The following GRID2 variants were observed in gnomAD, a reference collection of about 807,000 sequenced individuals.
GRID2 encodes the protein glutamate ionotropic receptor delta type subunit 2.
In GRID2, 33 loss-of-function variants were observed where a neutral mutation model predicts 114.8. The observed-to-expected ratio is 0.29, with a 90% CI of 0.22 to 0.38. The LOEUF (loss-of-function observed/expected upper bound fraction) is 0.38. Among genes scored for constraint, GRID2 ranks in the 10% least tolerant of loss-of-function variants. GRID2 has a pLI of 1.00. For synonymous variants in GRID2, 505 were observed against 449.9 expected, an observed-to-expected ratio of 1.12 and a Z score of -1.55; for missense variants, 1,184 against 1,257.7, an observed-to-expected ratio of 0.94 and a Z score of 0.89.
intron 2 of GRID2, among the ~76,000 whole-genome samples, chr4:92,656,094 A>AT (rs1732219168): frequency 6.6e-6 from 1 of 151,450 alleles, no homozygotes; most frequent in Non-Finnish European, 1.5e-5. Context: ...TTCTATTTTT[A>AT]TTTTTTTGAG....
chr4:93,689,329 T>C (rs17020984), intron 14 of GRID2, among the ~76,000 whole-genome samples: 6,257 of 152,166 alleles, frequency 0.041, 199 homozygotes, highest in African/African-American at 0.081. Context: ...ACTTCTTCCA[T>C]GGGTGTCAAT....
At chr4:93,764,778 TAACA>T (rs1182558063) in intron 14 of GRID2, among the ~76,000 whole-genome samples, 1 of 152,202 alleles carries the variant, frequency 6.6e-6, no homozygotes, top group Non-Finnish European at 1.5e-5. Context: ...TCCCATAGAT[TAACA>T]ATAACCACAG....
chr4:93,213,348 GAAAC>G (rs1290964295), intron 5 of GRID2, among the ~76,000 whole-genome samples: 3 of 152,018 alleles, frequency 2.0e-5, no homozygotes, highest in Admixed American at 6.6e-5. Context: ...AAACAAATAA[GAAAC>G]AAACACCACA....
intron 1 of GRID2, among the ~76,000 whole-genome samples, chr4:92,328,898 C>T (rs1460630379): frequency 6.6e-6 from 1 of 151,814 alleles, no homozygotes; most frequent in African/African-American, 2.4e-5. Flanking sequence ...CTCTTTATGT[C>T]CTTGTAAATT....
chr4:93,231,561 C>T (rs1274602802), intron 7 of GRID2, among the ~76,000 whole-genome samples: 1 of 152,076 alleles, frequency 6.6e-6, no homozygotes, highest in Non-Finnish European at 1.5e-5. Flanking sequence ...GAGATACTTG[C>T]TTCACAGCCA....
intron 8 of GRID2, among the ~76,000 whole-genome samples, chr4:93,314,821 T>C (rs1305367149): frequency 2.6e-5 from 4 of 152,108 alleles, no homozygotes; most frequent in Non-Finnish European, 1.5e-5. Context: ...TTAACACATC[T>C]ATCATCTCAC....
chr4:93,128,773 T>G (rs1734533064), intron 4 of GRID2, among the ~76,000 whole-genome samples: 1 of 152,152 alleles, frequency 6.6e-6, no homozygotes, highest in Non-Finnish European at 1.5e-5. Context: ...TGGTTCAAAC[T>G]CCCATGGTGA....
intron 1 of GRID2, among the ~76,000 whole-genome samples, chr4:92,363,733 T>C (rs1262436339): frequency 1.3e-5 from 2 of 152,024 alleles, no homozygotes; most frequent in African/African-American, 4.8e-5. Context: ...TAGTGTTCAT[T>C]GGTTGTGATA....
chr4:93,422,052 C>T (rs1015885482), intron 9 of GRID2, among the ~76,000 whole-genome samples: 11 of 152,106 alleles, frequency 7.2e-5, no homozygotes, highest in African/African-American at 2.4e-4. Flanking sequence ...ATCAATCGAG[C>T]TTTCTTAACA....
At chr4:92,650,672 T>C (rs1048612030) in intron 2 of GRID2, among the ~76,000 whole-genome samples, 1 of 151,816 alleles carries the variant, frequency 6.6e-6, no homozygotes, top group African/African-American at 2.4e-5. Flanking sequence ...CACTCTTCTT[T>C]CTGGAAATGA....
chr4:93,688,821 T>G (rs1726297598), intron 14 of GRID2, among the ~76,000 whole-genome samples: 1 of 152,054 alleles, frequency 6.6e-6, no homozygotes, highest in African/African-American at 2.4e-5. Context: ...ACTCATGATC[T>G]TATAGCAAGT....
At chr4:93,156,230 A>G (rs896771981) in intron 4 of GRID2, among the ~76,000 whole-genome samples, 1 of 151,880 alleles carries the variant, frequency 6.6e-6, no homozygotes, top group African/African-American at 2.4e-5. Flanking sequence ...CACATTTTAT[A>G]TTTACCTCTT....
chr4:92,898,006 A>AT (rs1747292808), intron 2 of GRID2, among the ~76,000 whole-genome samples: 1 of 152,142 alleles, frequency 6.6e-6, no homozygotes, highest in Admixed American at 6.5e-5. Flanking sequence ...TTACATTTTA[A>AT]TTTTTACTTC....
intron 1 of GRID2, among the ~76,000 whole-genome samples, chr4:92,541,896 A>G (rs1458900765): frequency 1.3e-5 from 2 of 152,140 alleles, no homozygotes; most frequent in African/African-American, 4.8e-5. Flanking sequence ...AATAGGTGAA[A>G]CATAGAAAAA....
rs1721058138 is a variant in GRID2 at position 92,453,536 on chromosome 4, T to C, written c.89-136595T>C. Among the ~76,000 whole-genome samples the C allele has an allele frequency of 2.0e-5, 3 of 152,310 alleles. 1 individual carries two copies. The South Asian group carries it at 6.2e-4, about 32-fold the overall frequency. On this transcript the variant is annotated intron_variant, in intron 1 of 15. Transcript: ENST00000282020. Reference sequence around the variant, plus strand: ...TGCACCAAATGATTTTTAATGTACATGTTGAAACATATTCGTTGTGTTACT... The same window carrying C: ...TGCACCAAATGATTTTTAATGTACACGTTGAAACATATTCGTTGTGTTACT...
chr4:93,385,533 C>G (rs1254584922), intron 8 of GRID2, among the ~76,000 whole-genome samples: 1 of 152,122 alleles, frequency 6.6e-6, no homozygotes, highest in East Asian at 1.9e-4. Context: ...TATACTAGGC[C>G]TGTTCCATGT....
At chr4:92,975,156 CAAAAAAAA>C (rs527770693) in intron 2 of GRID2, among the ~76,000 whole-genome samples, 2 of 46,692 alleles carry the variant, frequency 4.3e-5, no homozygotes, top group South Asian at 1.1e-3. Context: ...GATTCCGCCT[CAAAAAAAA>C]AAAAAAAAAA....
chr4:93,592,126 C>A (rs1199265522), intron 13 of GRID2, among the ~76,000 whole-genome samples: 1 of 152,080 alleles, frequency 6.6e-6, no homozygotes, highest in Non-Finnish European at 1.5e-5. Context: ...TCTTGCTTTT[C>A]TAGTTCTTTT....
intron 13 of GRID2, among the ~76,000 whole-genome samples, chr4:93,582,350 C>T (rs958010310): frequency 3.9e-5 from 6 of 152,104 alleles, no homozygotes; most frequent in African/African-American, 1.4e-4. Context: ...TGGATCATCC[C>T]AGATAATCTC....
Sources: allele counts gnomAD v4.1 joint callset (sites outside exome capture counted in the v4.1 genomes callset), GRCh38; gene constraint gnomAD v4.1.1; transcripts MANE v1.5; gene names NCBI Gene and HGNC (gene_info 2026-07-23, HGNC 2026-07-21).